Variants in MAPK4 observed in about 807,000 individuals in gnomAD.
The protein encoded by MAPK4 is mitogen-activated protein kinase 4.
Under a neutral mutation model 47.7 loss-of-function variants are expected in MAPK4, and 22 were observed. That is an observed-to-expected ratio of 0.46 (90% CI 0.33 to 0.66). MAPK4 has a LOEUF of 0.66. Among genes scored for constraint, MAPK4 ranks in the 30% least tolerant of loss-of-function variants. MAPK4 has a pLI of 0.02. For synonymous variants in MAPK4, 390 were observed against 365.7 expected, an observed-to-expected ratio of 1.07 and a Z score of -0.76; for missense variants, 736 against 831.7, an observed-to-expected ratio of 0.88 and a Z score of 1.42.
intron 1 of MAPK4, among the ~76,000 whole-genome samples, chr18:50,612,481 A>G (rs998584647): frequency 1.3e-5 from 2 of 152,218 alleles, no homozygotes; most frequent in Non-Finnish European, 2.9e-5. Context: ...TTTCAGGTGG[A>G]TAATTAAACA....
chr18:50,705,457 C>T (rs1339509407), intron 2 of MAPK4: 1 of 152,196 alleles, frequency 6.6e-6, no homozygotes, highest in African/African-American at 2.4e-5. Context: ...GCAGTAATAT[C>T]CCCAAATGTA....
chr18:50,712,050 G>T (rs1462025751), intron 2 of MAPK4, among the ~76,000 whole-genome samples: 6 of 152,108 alleles, frequency 3.9e-5, no homozygotes, highest in Non-Finnish European at 7.4e-5. Flanking sequence ...CCTTCCTGGG[G>T]CTTCTCTTGC....
Position 50,690,958 on chromosome 18 carries a change from G to A in MAPK4, c.547-24121G>A, listed in dbSNP as rs75155331. ...GAAGGAACAAAAGTCTGTCTTAACTGGGGGCACAAAGGAAGGATTCATGCT... is the reference window on the plus strand; with the variant it reads ...GAAGGAACAAAAGTCTGTCTTAACTAGGGGCACAAAGGAAGGATTCATGCT... On this transcript the variant is annotated intron_variant, in intron 2 of 5. Coordinates refer to ENST00000400384, the MANE Select transcript of MAPK4 (RefSeq NM_002747.4). 3.9e-5 allele frequency among the ~76,000 whole-genome samples: 6 copies of A among 152,156 alleles called. No individual in the cohort carries two copies. In the East Asian group the frequency reaches 9.7e-4, roughly 25 times the overall value.
intron 1 of MAPK4, among the ~76,000 whole-genome samples, chr18:50,590,952 A>G (rs9954919): frequency 6.6e-6 from 1 of 152,184 alleles, no homozygotes; most frequent in Non-Finnish European, 1.5e-5. Flanking sequence ...TAGCCACACA[A>G]GCTGTGCATT....
chr18:50,643,475 G>A (rs1178372481), intron 1 of MAPK4, among the ~76,000 whole-genome samples: 2 of 152,242 alleles, frequency 1.3e-5, no homozygotes, highest in African/African-American at 2.4e-5. Flanking sequence ...GCGAGTCGAG[G>A]TCGCGCCACT....
At chr18:50,631,164 G>A (rs537593086) in intron 1 of MAPK4, among the ~76,000 whole-genome samples, 25 of 152,210 alleles carry the variant, frequency 1.6e-4, no homozygotes, top group Admixed American at 3.3e-4. Context: ...AAGTGTCTTC[G>A]CAGTCTATTT....
At chr18:50,653,533 A>G (rs553731259) in intron 1 of MAPK4, among the ~76,000 whole-genome samples, 18 of 152,370 alleles carry the variant, frequency 1.2e-4, no homozygotes, top group African/African-American at 4.1e-4. Flanking sequence ...ATGGGAGATG[A>G]CAGAGTTCAC....
chr18:50,693,911 C>T (rs910386729), intron 2 of MAPK4, among the ~76,000 whole-genome samples: 1 of 152,192 alleles, frequency 6.6e-6, no homozygotes, highest in Non-Finnish European at 1.5e-5. Context: ...AACACATTTT[C>T]AAACCCTGTT....
At chr18:50,601,331 G>T (rs1463776141) in intron 1 of MAPK4, among the ~76,000 whole-genome samples, 14 of 31,686 alleles carry the variant, frequency 4.4e-4, no homozygotes, top group South Asian at 2.5e-3. Context: ...AAGACTCTAT[G>T]TCAAAAAAAA....
chr18:50,649,439 CT>C (rs2043024551), intron 1 of MAPK4, among the ~76,000 whole-genome samples: 1 of 152,216 alleles, frequency 6.6e-6, no homozygotes, highest in Admixed American at 6.5e-5. Context: ...GTTCTGTCCC[CT>C]CCTGCCACGC....
intron 1 of MAPK4, among the ~76,000 whole-genome samples, chr18:50,637,575 A>G (rs1427881740): frequency 3.9e-5 from 6 of 152,242 alleles, no homozygotes; most frequent in Admixed American, 6.5e-5. Flanking sequence ...GGCTACTTCT[A>G]TGCACCTGTT....
At chr18:50,633,388 C>T (rs1282995682) in intron 1 of MAPK4, among the ~76,000 whole-genome samples, 2 of 152,170 alleles carry the variant, frequency 1.3e-5, no homozygotes, top group South Asian at 4.1e-4. Context: ...TGGGCCCTGG[C>T]CTGTTGTGGC....
At chr18:50,677,021 G>A (rs899802477) in intron 2 of MAPK4, among the ~76,000 whole-genome samples, 2 of 152,186 alleles carry the variant, frequency 1.3e-5, no homozygotes, top group African/African-American at 4.8e-5. Flanking sequence ...CCTCACCTGA[G>A]CTCCGCCTCC....
intron 1 of MAPK4, among the ~76,000 whole-genome samples, chr18:50,655,382 G>T (rs1250231638): frequency 6.6e-6 from 1 of 152,124 alleles, no homozygotes; most frequent in African/African-American, 2.4e-5. Flanking sequence ...CCTGGGCTGG[G>T]AGTGGTGCTG....
At chr18:50,696,996 TTGG>T (rs1417004047) in intron 2 of MAPK4, among the ~76,000 whole-genome samples, 1 of 152,102 alleles carries the variant, frequency 6.6e-6, no homozygotes, top group Non-Finnish European at 1.5e-5. Flanking sequence ...GTGCAGAGAC[TTGG>T]TGGTGGCCAG....
intron 4 of MAPK4, 47 bp from the exon 5 acceptor site, chr18:50,725,915 C>T: frequency 6.7e-7 from 1 of 1,487,512 alleles, no homozygotes; most frequent in East Asian, 2.3e-5. Context: ...CTTCTGAGCT[C>T]AACAAGGGCA....
chr18:50,694,783 C>T (rs1437078594), intron 2 of MAPK4, among the ~76,000 whole-genome samples: 2 of 152,188 alleles, frequency 1.3e-5, no homozygotes, highest in Non-Finnish European at 2.9e-5. Context: ...TCTGCATCCA[C>T]ACCAACCTCA....
intron 1 of MAPK4, among the ~76,000 whole-genome samples, chr18:50,613,944 A>G (rs764178917): frequency 4.6e-5 from 7 of 152,204 alleles, no homozygotes; most frequent in Non-Finnish European, 1.0e-4. Context: ...ATGAAATACC[A>G]TGTCTAAGTA....
intron 1 of MAPK4, among the ~76,000 whole-genome samples, chr18:50,649,118 C>G (rs913378795): frequency 6.6e-6 from 1 of 152,162 alleles, no homozygotes; most frequent in Non-Finnish European, 1.5e-5. Flanking sequence ...CCCTGGGTGC[C>G]AATCTTCCAT....
Sources: allele counts gnomAD v4.1 joint callset (sites outside exome capture counted in the v4.1 genomes callset), GRCh38; gene constraint gnomAD v4.1.1; transcripts MANE v1.5; gene names NCBI Gene and HGNC (gene_info 2026-07-23, HGNC 2026-07-21).